The following NCOR1 variants were observed in gnomAD, a reference collection of about 807,000 sequenced individuals.
NCOR1 encodes protein phosphatase 1, regulatory subunit 109.
In NCOR1, 63 loss-of-function variants were observed where a neutral mutation model predicts 288.1. The observed-to-expected ratio is 0.22, with a 90% confidence interval of 0.18 to 0.27. The LOEUF (loss-of-function observed/expected upper bound fraction) is 0.27. NCOR1 is among the 10% of genes least tolerant of loss of function. The probability of loss-of-function intolerance (pLI) is 1.00; values close to 1 mark genes in which losing one functional copy is unlikely to be tolerated. For synonymous variants in NCOR1, 1,007 were observed against 1,065.9 expected (o/e 0.94, Z 1.08); for missense variants, 2,397 against 3,019.2 (o/e 0.79, Z 4.83).
chr17:16,110,926 T>C (rs990678767), intron 18 of NCOR1, among the ~76,000 whole-genome samples: 5 of 152,354 alleles, frequency 3.3e-5, no homozygotes, highest in Admixed American at 6.5e-5. Flanking sequence ...CTAAAAAGCT[T>C]TCAGAAGATT....
rs371319414 is a variant in NCOR1, at chr17:16,199,188, C to G, written c.-70-4549G>C. Among the ~76,000 whole-genome samples, 3 of 139,158 alleles carry G rather than the reference C, an allele frequency of 2.2e-5. No homozygotes were observed. In the Admixed American group the frequency reaches 2.3e-4, roughly 11 times the overall value. The allele number at this position is 139,158 out of a possible 152,430, so 91.3% of individuals were successfully genotyped here. A position where few individuals can be genotyped will look rare whatever the true frequency, so the allele number is the denominator to read the frequency against. ...AGTCAGTTTTCTTTAAAAGTACTAT[C>G]CGCCCAATACAGAAGGAAAAAAAAA... On this transcript the variant is annotated intron_variant, in intron 1 of 45. Transcript: ENST00000268712.
At chr17:16,138,652 A>C (rs538335332) in intron 12 of NCOR1, among the ~76,000 whole-genome samples, 1 of 152,380 alleles carries the variant, frequency 6.6e-6, no homozygotes, top group East Asian at 1.9e-4. Context: ...CAATTGTAGA[A>C]TCACTGGAGA....
At chr17:16,149,549 A>T in intron 8 of NCOR1, 32 bp from the exon 9 acceptor site, 1 of 1,133,790 alleles carries the variant, frequency 8.8e-7, no homozygotes, top group South Asian at 1.5e-5. Flanking sequence ...GCATGACATT[A>T]AGAAAAAGCA....
chr17:16,172,015 T>C lies in NCOR1; in HGVS notation c.243-20A>G, dbSNP rs779006277. On this transcript the variant is annotated intron_variant, in intron 3 of 45. Transcript: ENST00000268712. The stretch of plus-strand genomic sequence containing the variant: ...TGAGGCCTAATACATACAAAGAAAA[T>C]AAACACTTGAAAATTTGTAAGTGAT... 1.3e-6 allele frequency: 2 copies of C among 1,508,748 alleles called. No homozygotes were observed. The highest frequency in any genetic ancestry group is 1.8e-6 in the Non-Finnish European group (2 of 1,125,964). The allele number at this position is 1,508,748 out of a possible 1,614,324, so 93.5% of individuals were successfully genotyped here.
At chr17:16,108,712 TAC>T in intron 19 of NCOR1, 72 bp downstream of exon 19, 1 of 1,381,990 alleles carries the variant, frequency 7.2e-7, no homozygotes, top group Non-Finnish European at 9.8e-7. Flanking sequence ...AAGCAACTCC[TAC>T]ACAGTCAAAT....
intron 37 of NCOR1, among the ~76,000 whole-genome samples, chr17:16,059,138 A>C (rs138746571): frequency 6.6e-6 from 1 of 151,730 alleles, no homozygotes; most frequent in Admixed American, 6.6e-5. Flanking sequence ...CAGATTTATG[A>C]TATTTTCCTG....
At chr17:16,107,165 G>C (rs1290165756) in intron 19 of NCOR1, among the ~76,000 whole-genome samples, 1 of 151,886 alleles carries the variant, frequency 6.6e-6, no homozygotes, top group Non-Finnish European at 1.5e-5. Flanking sequence ...CAAGTGTTGG[G>C]GTTACAGGCA....
At chr17:16,189,938 T>A (rs1438306650) in intron 2 of NCOR1, among the ~76,000 whole-genome samples, 5 of 150,172 alleles carry the variant, frequency 3.3e-5, no homozygotes, top group Admixed American at 3.3e-4. Context: ...ATTGAATAAC[T>A]AAGTCATCAT....
rs147703834 is a variant in NCOR1 at position 16,078,293 on chromosome 17, G to A, written c.3501+1671C>T. 3.0e-4 allele frequency among the ~76,000 whole-genome samples: 46 copies of A among 152,272 alleles called. 1 individual carries two copies. Among genetic ancestry groups the A allele is most frequent in the African/African-American group, 1.1e-3 (44 of 41,548 alleles). On this transcript the variant is annotated intron_variant, in intron 26 of 45. Transcript: ENST00000268712. ...CTGATACCATATGCTTAAGAAAAGC[G>A]ATAAGAGACATACACTTACTTGTCC... is the stretch of plus-strand genomic sequence containing the variant.
At chr17:16,096,489 T>C (rs2066642599) in intron 21 of NCOR1, among the ~76,000 whole-genome samples, 1 of 152,210 alleles carries the variant, frequency 6.6e-6, no homozygotes, top group African/African-American at 2.4e-5. Flanking sequence ...CCATAATCTC[T>C]ACAATTTATT....
At position 16,050,927 on chromosome 17, in the gene NCOR1, C is replaced by T. The variant is rs139130143; in HGVS notation, c.6393-1939G>A. ...CTGCTTACTGCAGCCTCAACTTCTGCGCTCACGTGATCCTCCCACCTCAGG... is the reference window on the plus strand; with the variant it reads ...CTGCTTACTGCAGCCTCAACTTCTGTGCTCACGTGATCCTCCCACCTCAGG... On this transcript the variant is annotated intron_variant, in intron 40 of 45. Coordinates refer to ENST00000268712, the MANE Select transcript of NCOR1 (RefSeq NM_006311.4). 6.2e-3 allele frequency among the ~76,000 whole-genome samples: 950 copies of T among 152,172 alleles called. 7 individuals are homozygous for T. The highest frequency in any genetic ancestry group is 0.022 in the African/African-American group (917 of 41,518).
chr17:16,127,281 A>ATGTGTG (rs1491265566), intron 14 of NCOR1, among the ~76,000 whole-genome samples: 1 of 36,128 alleles, frequency 2.8e-5, no homozygotes, highest in African/African-American at 8.8e-5. Context: ...ATGTATATAT[A>ATGTGTG]CGTGTATATA....
At chr17:16,099,158 G>A (rs1438809525) in intron 20 of NCOR1, among the ~76,000 whole-genome samples, 2 of 152,076 alleles carry the variant, frequency 1.3e-5, no homozygotes, top group Non-Finnish European at 2.9e-5. Context: ...CCGCCACCCC[G>A]CTCACATGAG....
chr17:16,091,037 G>C (rs372471184), intron 22 of NCOR1, among the ~76,000 whole-genome samples: 1 of 152,064 alleles, frequency 6.6e-6, no homozygotes, highest in Non-Finnish European at 1.5e-5. Context: ...CATGTCAGAA[G>C]AATGTATTAA....
chr17:16,187,200 G>GTT (rs528053156), intron 2 of NCOR1, among the ~76,000 whole-genome samples: 107 of 136,194 alleles, frequency 7.9e-4, no homozygotes, highest in African/African-American at 2.4e-3. Context: ...GTTGGTTGTT[G>GTT]TTTTTTTTTT....
chr17:16,195,529 C>T (rs1054456409), intron 1 of NCOR1, among the ~76,000 whole-genome samples: 4 of 151,972 alleles, frequency 2.6e-5, no homozygotes, highest in African/African-American at 9.7e-5. Context: ...AAGTATATTC[C>T]TACTTATCCA....
chr17:16,121,929 C>A (rs971660199), intron 15 of NCOR1, among the ~76,000 whole-genome samples: 6 of 152,142 alleles, frequency 3.9e-5, no homozygotes, highest in African/African-American at 1.2e-4. Flanking sequence ...GCTGCCTCAC[C>A]CCCATGGGCC....
chr17:16,132,612 T>C (rs1215800228), intron 14 of NCOR1, among the ~76,000 whole-genome samples: 1 of 152,166 alleles, frequency 6.6e-6, no homozygotes, highest in Non-Finnish European at 1.5e-5. Flanking sequence ...AGAGTTAAAA[T>C]TCCTGCCAAG....
chr17:16,119,301 T>G, intron 17 of NCOR1, 122 bp downstream of exon 17: 1 of 644,854 alleles, frequency 1.6e-6, no homozygotes, highest in Non-Finnish European at 2.6e-6. Context: ...CACTTCTGAG[T>G]CCTCTTTGCC....
Sources: gnomAD v4.1 joint callset for allele counts (sites outside exome capture counted in the v4.1 genomes callset) on GRCh38, gnomAD v4.1.1 for gene constraint, MANE v1.5 for transcripts, NCBI Gene and HGNC (gene_info 2026-07-23, HGNC 2026-07-21) for gene names.